Variants in FMR1NB observed in about 807,000 individuals in gnomAD.
FMR1NB encodes the protein FMR1 neighbor protein.
In FMR1NB, 10 loss-of-function variants were observed where a neutral mutation model predicts 16.8. That is an observed-to-expected ratio of 0.60 (90% CI 0.37 to 1.01). FMR1NB has a LOEUF of 1.01. Ranked by LOEUF, FMR1NB falls within the 50% of genes least tolerant of loss-of-function variation. The pLI, the probability that FMR1NB is intolerant of heterozygous loss-of-function variation, is 0.01. For synonymous variants in FMR1NB, 83 were observed against 79.1 expected, an observed-to-expected ratio of 1.05 and a Z score of -0.26; for missense variants, 205 against 204.8, an observed-to-expected ratio of 1.00 and a Z score of 0.00.
intron 1 of FMR1NB, among the ~76,000 whole-genome samples, chrX:148,001,420 A>G (rs2044569912): frequency 1.8e-5 from 2 of 111,942 alleles, no homozygotes; most frequent in Admixed American, 9.6e-5. Context: ...CATCTAAAAA[A>G]TTCTCAGAGC....
intron 1 of FMR1NB, among the ~76,000 whole-genome samples, chrX:147,982,913 T>G (rs2044458437): frequency 1.8e-5 from 2 of 111,927 alleles, no homozygotes; most frequent in Non-Finnish European, 3.8e-5. Flanking sequence ...AAAAAAAAAT[T>G]GAAGTGAAAT....
intron 1 of FMR1NB, among the ~76,000 whole-genome samples, chrX:147,988,020 G>A (rs1557187253): frequency 9.0e-6 from 1 of 111,505 alleles, no homozygotes; most frequent in East Asian, 2.8e-4. Flanking sequence ...TACATTTAAG[G>A]TTAATATTGT....
intron 1 of FMR1NB, among the ~76,000 whole-genome samples, chrX:147,990,050 A>C (rs1395435261): frequency 4.6e-5 from 5 of 109,811 alleles, no homozygotes; most frequent in East Asian, 2.9e-4. Flanking sequence ...AAAAAAAAAA[A>C]AAAAACAAAA....
intron 5 of FMR1NB, among the ~76,000 whole-genome samples, chrX:148,025,363 C>T (rs1557190926): frequency 9.0e-6 from 1 of 111,309 alleles, no homozygotes; most frequent in Non-Finnish European, 1.9e-5. Context: ...GACCACATCA[C>T]ATATCCAGGG....
At chrX:148,010,399 A>G (rs1441125578) in intron 4 of FMR1NB, among the ~76,000 whole-genome samples, 1 of 111,578 alleles carries the variant, frequency 9.0e-6, no homozygotes, top group Non-Finnish European at 1.9e-5. Flanking sequence ...CTTTCAGCCT[A>G]TTGTGGTAGG....
intron 4 of FMR1NB, among the ~76,000 whole-genome samples, chrX:148,011,934 G>A (rs191877836): frequency 9.8e-4 from 110 of 111,752 alleles, no homozygotes; most frequent in Non-Finnish European, 1.8e-3. Flanking sequence ...AAAGGAAGCA[G>A]AGAGCATTAG....
chrX:147,986,231 A>T (rs1406854695), intron 1 of FMR1NB, among the ~76,000 whole-genome samples: 1 of 112,183 alleles, frequency 8.9e-6, no homozygotes, highest in Non-Finnish European at 1.9e-5. Context: ...CCTTTGTCAG[A>T]TGGATAGATT....
At chrX:148,012,996 T>G (rs996552333) in intron 4 of FMR1NB, among the ~76,000 whole-genome samples, 3 of 111,881 alleles carry the variant, frequency 2.7e-5, no homozygotes, top group Non-Finnish European at 3.8e-5. Context: ...CTATAAATTT[T>G]GAAAAGTATG....
At chrX:148,009,729 G>A (rs1265916374) in intron 4 of FMR1NB, among the ~76,000 whole-genome samples, 3 of 111,526 alleles carry the variant, frequency 2.7e-5, no homozygotes, top group Non-Finnish European at 5.6e-5. Flanking sequence ...GGTGCCTGTT[G>A]AAGGTTAAGC....
At chrX:147,984,011 GA>G (rs2044464082) in intron 1 of FMR1NB, among the ~76,000 whole-genome samples, 1 of 111,732 alleles carries the variant, frequency 8.9e-6, no homozygotes, top group African/African-American at 3.3e-5. Flanking sequence ...GCAGCCTTCT[GA>G]AAAATCAGTT....
chrX:147,997,532 C>G (rs935998668), intron 1 of FMR1NB, among the ~76,000 whole-genome samples: 2 of 112,176 alleles, frequency 1.8e-5, no homozygotes, highest in Admixed American at 9.4e-5. Flanking sequence ...CAGTTCCATT[C>G]AGGACAATGG....
At chrX:148,007,888 C>T (rs1157931178) in intron 3 of FMR1NB, among the ~76,000 whole-genome samples, 2 of 111,870 alleles carry the variant, frequency 1.8e-5, no homozygotes, top group African/African-American at 6.5e-5. Flanking sequence ...TTAACACTGT[C>T]ACATGTTATT....
At chrX:147,999,705 C>T (rs182217550) in intron 1 of FMR1NB, among the ~76,000 whole-genome samples, 2 of 111,367 alleles carry the variant, frequency 1.8e-5, no homozygotes, top group Non-Finnish European at 3.8e-5. Flanking sequence ...GTAGTAAGCT[C>T]CATGAGGGCA....
At chrX:147,992,745 C>A (rs1328905444) in intron 1 of FMR1NB, among the ~76,000 whole-genome samples, 5 of 71,123 alleles carry the variant, frequency 7.0e-5, no homozygotes, top group African/African-American at 2.9e-4. Flanking sequence ...GACAGGGTCT[C>A]GGCCGGGCAG....
intron 1 of FMR1NB, among the ~76,000 whole-genome samples, chrX:147,997,380 G>A (rs1448032501): frequency 1.8e-5 from 2 of 111,677 alleles, no homozygotes; most frequent in African/African-American, 6.5e-5. Flanking sequence ...TTTAATAAAG[G>A]GTATTGGAAA....
intron 1 of FMR1NB, among the ~76,000 whole-genome samples, chrX:147,993,094 G>A (rs1450851638): frequency 9.2e-6 from 1 of 108,847 alleles, no homozygotes; most frequent in African/African-American, 3.4e-5. Context: ...GTAGTGAGCC[G>A]AGATCACGCC....
At chrX:148,009,444 T>C (rs1220182107) in intron 4 of FMR1NB, among the ~76,000 whole-genome samples, 3 of 110,792 alleles carry the variant, frequency 2.7e-5, no homozygotes, top group East Asian at 2.9e-4. Context: ...TTCAAGCCAA[T>C]TGGAAAACAA....
intron 1 of FMR1NB, among the ~76,000 whole-genome samples, chrX:147,991,438 C>G (rs2044504032): frequency 9.1e-6 from 1 of 109,880 alleles, no homozygotes; most frequent in Non-Finnish European, 1.9e-5. Context: ...CATGCTCTCC[C>G]CTAACAAAAT....
chrX:147,994,105 C>G (rs1363117047), intron 1 of FMR1NB, among the ~76,000 whole-genome samples: 1 of 111,591 alleles, frequency 9.0e-6, no homozygotes, highest in Non-Finnish European at 1.9e-5. Flanking sequence ...AGATTTCCCA[C>G]AGTCTCCTGC....
Sources: allele counts gnomAD v4.1 joint callset (sites outside exome capture counted in the v4.1 genomes callset), GRCh38; gene constraint gnomAD v4.1.1; transcripts MANE v1.5; gene names NCBI Gene and HGNC (gene_info 2026-07-23, HGNC 2026-07-21).